The following ERGIC2 variants were observed in gnomAD, a reference collection of about 807,000 sequenced individuals.
The protein encoded by ERGIC2 is endoplasmic reticulum-Golgi intermediate compartment protein 2.
ERGIC2 carries 31 observed loss-of-function variants against 52.5 expected under a neutral mutation model. The ratio of observed to expected loss-of-function variants is 0.59; its 90% CI spans 0.44 to 0.80. ERGIC2 has a LOEUF of 0.80. ERGIC2 is among the 30% of genes least tolerant of loss of function. The pLI is 0.00. For missense variants in ERGIC2, 395 were observed against 455.2 expected (o/e 0.87, Z 1.20); for synonymous variants, 129 against 140.6 (o/e 0.92, Z 0.58).
chr12:29,348,191 T>C (rs1396055068), intron 10 of ERGIC2, among the ~76,000 whole-genome samples: 1 of 152,138 alleles, frequency 6.6e-6, no homozygotes, highest in African/African-American at 2.4e-5. Context: ...AAAATATTCA[T>C]GAATGTAAAT....
intron 8 of ERGIC2, among the ~76,000 whole-genome samples, chr12:29,354,023 G>C (rs1027410185): frequency 6.6e-6 from 1 of 152,020 alleles, no homozygotes; most frequent in Non-Finnish European, 1.5e-5. Flanking sequence ...TGAGTTGTCA[G>C]AATTATTGGG....
chr12:29,345,630 T>G, intron 10 of ERGIC2, 90 bp from the exon 11 acceptor site: 1 of 760,382 alleles, frequency 1.3e-6, no homozygotes, highest in Non-Finnish European at 2.3e-6. Context: ...AACCTGAAAT[T>G]TAGCTGGATG....
rs1023605999 is a variant in ERGIC2 at position 29,340,194 on chromosome 12, G to C, written c.*962C>G. ...CCTCTCAAATCTGATATATCTTGTG[G>C]TGCTTACAATTTGCCTTACACTTTC... is the stretch of plus-strand genomic sequence containing the variant. On this transcript the variant is annotated 3_prime_UTR_variant, in exon 14 of 14. Transcript: ENST00000360150. The C allele has an allele frequency of 1.4e-4, 22 of 152,158 alleles. No individual in the cohort carries two copies. Among genetic ancestry groups the C allele is most frequent in the African/African-American group, 4.8e-4 (20 of 41,512 alleles). 9.4% of individuals were successfully genotyped at this position (152,158 alleles called of 1,614,324 possible).
intron 4 of ERGIC2, 135 bp downstream of exon 4, chr12:29,368,106 A>G: frequency 1.6e-6 from 1 of 641,834 alleles, no homozygotes; most frequent in Non-Finnish European, 2.8e-6. Flanking sequence ...AATTTGTATT[A>G]TTAAATAATA....
intron 1 of ERGIC2, among the ~76,000 whole-genome samples, chr12:29,378,013 G>C (rs932805427): frequency 6.6e-6 from 1 of 152,164 alleles, no homozygotes; most frequent in Non-Finnish European, 1.5e-5. Flanking sequence ...CTCACAATTT[G>C]ATACGTTGAA....
At position 29,339,065 on chromosome 12, in the gene ERGIC2, C is replaced by T. The variant is rs761103986; in HGVS notation, c.*2091G>A. ...AAACTTCATCGTCCAAAGGGCTGAT[C>T]GGAATTTTAATACTTCCATTGCCAA... On this transcript the variant is annotated 3_prime_UTR_variant, in exon 14 of 14. Coordinates refer to ENST00000360150, the MANE Select transcript of ERGIC2 (RefSeq NM_016570.3). The T allele has an allele frequency of 1.3e-5, 2 of 152,210 alleles. No homozygotes were observed. Among genetic ancestry groups the T allele is most frequent in the Middle Eastern group, 3.4e-3 (1 of 292 alleles). 9.4% of individuals were successfully genotyped at this position (152,210 alleles called of 1,614,324 possible).
chr12:29,358,807 T>C (rs1056230683), intron 6 of ERGIC2, among the ~76,000 whole-genome samples: 4 of 152,080 alleles, frequency 2.6e-5, no homozygotes, highest in African/African-American at 9.7e-5. Flanking sequence ...ACTTTCTAGA[T>C]GTGCAAGCAG....
chr12:29,365,132 T>C (rs1029519973), intron 5 of ERGIC2, among the ~76,000 whole-genome samples: 4 of 151,986 alleles, frequency 2.6e-5, no homozygotes, highest in African/African-American at 9.7e-5. Flanking sequence ...AATAAATCAT[T>C]GTATGCAAAA....
intron 6 of ERGIC2, 137 bp from the exon 7 acceptor site, chr12:29,357,861 T>C: frequency 4.6e-6 from 3 of 658,952 alleles, no homozygotes; most frequent in Non-Finnish European, 8.0e-6. Flanking sequence ...TAAAATAACA[T>C]ACCAAGTTTT....
chr12:29,356,226 T>C (rs1001417122), intron 8 of ERGIC2, among the ~76,000 whole-genome samples, 156 bp downstream of exon 8: 1 of 152,122 alleles, frequency 6.6e-6, no homozygotes, highest in Non-Finnish European at 1.5e-5. Flanking sequence ...TTTCAACATG[T>C]TGGGAAGGCA....
chr12:29,349,989 GAAAA>G lies in ERGIC2; in HGVS notation c.628+20_628+23del, dbSNP rs746500925. The G allele has an allele frequency of 1.3e-6, 2 of 1,523,060 alleles. No homozygotes were observed. Among genetic ancestry groups the G allele is most frequent in the Non-Finnish European group, 1.8e-6 (2 of 1,101,998 alleles). The allele number at this position is 1,523,060 out of a possible 1,614,324, so 94.3% of individuals were successfully genotyped here. ...ATATTTTTTCAAGTACATCTTTACT[GAAAA>G]AAAGTCAGAATCTGCTTACATTCAT... On this transcript the variant is annotated intron_variant, in intron 9 of 13. Transcript: ENST00000360150.
chr12:29,359,562 G>GA (rs1057439834), intron 6 of ERGIC2, among the ~76,000 whole-genome samples: 1 of 151,732 alleles, frequency 6.6e-6, no homozygotes, highest in Admixed American at 6.6e-5. Flanking sequence ...TTCGAGCATT[G>GA]AAAAAAATTC....
At chr12:29,362,294 G>A (rs1230233162) in intron 5 of ERGIC2, among the ~76,000 whole-genome samples, 3 of 151,938 alleles carry the variant, frequency 2.0e-5, no homozygotes, top group South Asian at 2.1e-4. Context: ...TCCACTTTTC[G>A]GCCGGGCATG....
chr12:29,356,468 A>G lies in ERGIC2; in HGVS notation c.486T>C (p.Asp162=). The change falls in exon 8 of 14, where the codon GAT becomes GAC. Residue 162 remains aspartate (D), a synonymous_variant. Transcript: ENST00000360150. ...TGCATGCATTTGGAGACTGTGATGA[A>G]TCATCTTCTCTGTTAAAATAAGATA... ...TSTALPPRED[D]SSQSPNACRI... 7.1e-6 allele frequency: 11 copies of G among 1,559,858 alleles called. No individual in the cohort carries two copies. Among genetic ancestry groups the G allele is most frequent in the Non-Finnish European group, 9.7e-6 (11 of 1,131,028 alleles).
chr12:29,350,834 G>A (rs1199977266), intron 8 of ERGIC2, among the ~76,000 whole-genome samples: 1 of 152,022 alleles, frequency 6.6e-6, no homozygotes, highest in Non-Finnish European at 1.5e-5. Flanking sequence ...TTTAACTTTT[G>A]ACAGCAAACG....
intron 6 of ERGIC2, among the ~76,000 whole-genome samples, chr12:29,359,018 GA>G (rs1339617451): frequency 6.6e-6 from 1 of 152,082 alleles, no homozygotes; most frequent in African/African-American, 2.4e-5. Flanking sequence ...AATATTTTAG[GA>G]AAGTATTATA....
At chr12:29,342,815 G>A (rs1392720378) in intron 12 of ERGIC2, among the ~76,000 whole-genome samples, 1 of 152,122 alleles carries the variant, frequency 6.6e-6, no homozygotes, top group Non-Finnish European at 1.5e-5. Context: ...AGAAAAGGTA[G>A]GTGATCTATT....
chr12:29,351,026 C>T (rs1940124006), intron 8 of ERGIC2, among the ~76,000 whole-genome samples: 1 of 151,988 alleles, frequency 6.6e-6, no homozygotes, highest in Non-Finnish European at 1.5e-5. Context: ...ATAATTGTAA[C>T]TGATGGAAGT....
intron 5 of ERGIC2, among the ~76,000 whole-genome samples, chr12:29,365,854 ATTT>A (rs1324711417): frequency 6.6e-6 from 1 of 151,928 alleles, no homozygotes; most frequent in Non-Finnish European, 1.5e-5. Flanking sequence ...TTCAAAATCG[ATTT>A]TTTGAGTGGG....
Sources: allele counts gnomAD v4.1 joint callset (sites outside exome capture counted in the v4.1 genomes callset), GRCh38; gene constraint gnomAD v4.1.1; transcripts MANE v1.5; gene names NCBI Gene and HGNC (gene_info 2026-07-23, HGNC 2026-07-21).